ZNF573: variants seen among roughly 807,000 people sequenced by gnomAD.
The protein encoded by ZNF573 is zinc finger protein 573.
A neutral mutation model predicts 57.4 loss-of-function variants in ZNF573; 41 were observed. The ratio of observed to expected loss-of-function variants is 0.71; its 90% CI spans 0.56 to 0.93. The LOEUF is 0.93. ZNF573 is among the 40% of genes least tolerant of loss of function. The pLI is 0.00. For missense variants in ZNF573, 730 were observed against 794.8 expected (o/e 0.92, Z 0.98); for synonymous variants, 249 against 261.0 (o/e 0.95, Z 0.44).
At chr19:37,771,327 A>G (rs2045656713) in intron 3 of ZNF573, among the ~76,000 whole-genome samples, 1 of 152,102 alleles carries the variant, frequency 6.6e-6, no homozygotes, top group South Asian at 2.1e-4. Flanking sequence ...CCCCTTGGAT[A>G]TTAAGGAAAG....
At chr19:37,742,359 G>A (rs568353179) in intron 4 of ZNF573, among the ~76,000 whole-genome samples, 10 of 152,160 alleles carry the variant, frequency 6.6e-5, no homozygotes, top group East Asian at 5.8e-4. Context: ...AGAAGACCCC[G>A]TACAGCCAAG....
intron 3 of ZNF573, among the ~76,000 whole-genome samples, chr19:37,770,832 TTA>T (rs58757674): frequency 0.021 from 1,968 of 93,390 alleles, 27 homozygotes; most frequent in African/African-American, 0.026. Context: ...TTAAGTTATT[TTA>T]TATATATATA....
At chr19:37,765,755 G>C (rs1309998849) in intron 4 of ZNF573, among the ~76,000 whole-genome samples, 1 of 150,804 alleles carries the variant, frequency 6.6e-6, no homozygotes, top group Non-Finnish European at 1.5e-5. Flanking sequence ...AAGGATCCTA[G>C]GGGCCAGGCA....
intron 4 of ZNF573, among the ~76,000 whole-genome samples, chr19:37,761,621 G>A (rs1234151008): frequency 6.6e-6 from 1 of 152,146 alleles, no homozygotes; most frequent in Admixed American, 6.6e-5. Flanking sequence ...ATTCCAGAGA[G>A]TGTCCCCCAT....
At chr19:37,765,423 G>A (rs982478356) in intron 4 of ZNF573, among the ~76,000 whole-genome samples, 12 of 151,930 alleles carry the variant, frequency 7.9e-5, no homozygotes, top group Non-Finnish European at 1.3e-4. Flanking sequence ...TAAAATAACC[G>A]TCTAAATCTG....
At chr19:37,743,228 G>C (rs1285130494) in intron 4 of ZNF573, among the ~76,000 whole-genome samples, 2 of 149,672 alleles carry the variant, frequency 1.3e-5, no homozygotes, top group Non-Finnish European at 3.0e-5. Flanking sequence ...GCTGAGGCAG[G>C]AGAATCACTT....
chr19:37,746,833 C>T (rs745733906), intron 4 of ZNF573, among the ~76,000 whole-genome samples: 60 of 152,326 alleles, frequency 3.9e-4, no homozygotes, highest in Middle Eastern at 3.4e-3. Context: ...ATCTGCCCGC[C>T]TTGGCCTCCC....
At position 37,758,294 on chromosome 19, in the gene ZNF573, A is replaced by C. The variant is rs1286936632; in HGVS notation, c.295+11711T>G. Among the ~76,000 whole-genome samples, 12 of 53,138 alleles carry C rather than the reference A, an allele frequency of 2.3e-4. 2 individuals carry two copies. The highest frequency in any genetic ancestry group is 5.0e-4 in the Non-Finnish European group (10 of 20,168). The allele number at this position is 53,138 out of a possible 152,430, so 34.9% of individuals were successfully genotyped here. Reference sequence around the variant, plus strand: ...TTACCCAGTTGCTACTTTTCTGTGGAGCACGTTTTTTAAAAAAAAAAAGAG... The same window carrying C: ...TTACCCAGTTGCTACTTTTCTGTGGCGCACGTTTTTTAAAAAAAAAAAGAG... On this transcript the variant is annotated intron_variant, in intron 4 of 4. Transcript: ENST00000536220.
intron 1 of ZNF573, among the ~76,000 whole-genome samples, chr19:37,774,499 G>A (rs1366315333): frequency 6.6e-6 from 1 of 152,064 alleles, no homozygotes; most frequent in African/African-American, 2.4e-5. Flanking sequence ...AAACATGAGA[G>A]AGAACACATC....
rs867940223 is a variant in ZNF573, at chr19:37,776,036, T to C, written c.-22-2285A>G. Among the ~76,000 whole-genome samples the C allele has an allele frequency of 2.0e-5, 3 of 152,086 alleles. No individual in the cohort carries two copies. In the South Asian group the frequency reaches 6.2e-4, roughly 32 times the overall value. On this transcript the variant is annotated intron_variant, in intron 1 of 4. Transcript: ENST00000536220. Reference sequence around the variant, plus strand: ...CCCGCTCATGGATAGGTAGAATCAGTATGGCGAAAATGACCATACTGCCAA... The same window carrying C: ...CCCGCTCATGGATAGGTAGAATCAGCATGGCGAAAATGACCATACTGCCAA...
At chr19:37,777,157 A>G (rs1261325098) in intron 1 of ZNF573, among the ~76,000 whole-genome samples, 1 of 152,180 alleles carries the variant, frequency 6.6e-6, no homozygotes, top group Non-Finnish European at 1.5e-5. Context: ...GAGGAAAAGA[A>G]GTCATTATAT....
chr19:37,751,050 C>T (rs533378601), intron 4 of ZNF573, among the ~76,000 whole-genome samples: 1 of 149,616 alleles, frequency 6.7e-6, no homozygotes, highest in Non-Finnish European at 1.5e-5. Context: ...TATATACTGT[C>T]TATAGTAGTA....
intron 4 of ZNF573, among the ~76,000 whole-genome samples, chr19:37,741,277 A>G (rs1046737510): frequency 1.4e-4 from 21 of 152,078 alleles, no homozygotes; most frequent in African/African-American, 4.8e-4. Context: ...CTATCAATCA[A>G]TCATCAAGAC....
At chr19:37,754,556 T>C (rs969996049) in intron 4 of ZNF573, among the ~76,000 whole-genome samples, 5 of 137,636 alleles carry the variant, frequency 3.6e-5, no homozygotes. Flanking sequence ...GAAAGCATAA[T>C]ACAAAAAGAA....
At chr19:37,759,494 G>A (rs1259952623) in intron 4 of ZNF573, among the ~76,000 whole-genome samples, 6 of 152,098 alleles carry the variant, frequency 3.9e-5, no homozygotes, top group African/African-American at 9.7e-5. Flanking sequence ...TTGGGAGGCC[G>A]AGGCAGGTGG....
intron 4 of ZNF573, among the ~76,000 whole-genome samples, chr19:37,742,580 G>C (rs904404832): frequency 6.6e-6 from 1 of 152,130 alleles, no homozygotes; most frequent in Non-Finnish European, 1.5e-5. Context: ...ATGGGGAAAG[G>C]ATCTCCTACT....
chr19:37,740,223 T>C, intron 4 of ZNF573, 29 bp from the exon 5 acceptor site: 1 of 1,521,100 alleles, frequency 6.6e-7, no homozygotes, highest in Non-Finnish European at 8.8e-7. Flanking sequence ...ACAAAAAAAA[T>C]TTGTATTTCT....
rs2045312978 is a variant in ZNF573 at position 37,740,130 on chromosome 19, G to A, written c.360C>T (p.Ser120=). ...IEVPTYETDI[S]STQLQSIYKR... is the part of the protein sequence containing the mutation. ...TATATATGCTCTGAAGTTGTGTAGA[G>A]GATATATCTGTTTCATAAGTGGGTA... The change falls in exon 5 of 5, where the codon TCC becomes TCT. Residue 120 remains serine (S), a synonymous_variant. Transcript: ENST00000536220. 3 of 1,611,128 alleles carry A rather than the reference G, an allele frequency of 1.9e-6. No individual in the cohort carries two copies. In the East Asian group the frequency reaches 6.7e-5, roughly 36 times the overall value.
chr19:37,758,598 TAAA>T lies in ZNF573; in HGVS notation c.295+11404_295+11406del, dbSNP rs11339865. The T allele has an allele frequency of 7.4e-3, 964 of 131,060 alleles. 26 individuals are homozygous for T. The highest frequency in any genetic ancestry group is 0.059 in the East Asian group (258 of 4,356). The allele number at this position is 131,060 out of a possible 1,614,324, so 8.1% of individuals were successfully genotyped here. On this transcript the variant is annotated intron_variant, in intron 4 of 4. Transcript: ENST00000536220. ...CTGTGCGACAGAGCAAGACTCCATC[TAAA>T]AAAAAAAAAAAAAGGAAAAAAAAAA... is the stretch of plus-strand genomic sequence containing the variant.
Sources: gnomAD v4.1 joint callset for allele counts (sites outside exome capture counted in the v4.1 genomes callset) on GRCh38, gnomAD v4.1.1 for gene constraint, MANE v1.5 for transcripts, NCBI Gene and HGNC (gene_info 2026-07-23, HGNC 2026-07-21) for gene names.